LRRC41: variants seen among roughly 807,000 people sequenced by gnomAD.
LRRC41 encodes the protein leucine-rich repeat-containing protein 41.
Under a neutral mutation model 72.1 loss-of-function variants are expected in LRRC41, and 17 were observed. The ratio of observed to expected loss-of-function variants is 0.24; its 90% CI spans 0.16 to 0.35. LRRC41 has a LOEUF of 0.35. LRRC41 is among the 10% of genes least tolerant of loss of function. LRRC41 has a pLI of 1.00. For synonymous variants in LRRC41, 427 were observed against 431.0 expected (o/e 0.99, Z 0.11); for missense variants, 759 against 1,065.0 (o/e 0.71, Z 4.00).
At chr1:46,303,043 C>A in intron 1 of LRRC41, 81 bp downstream of exon 1, 1 of 1,343,670 alleles carries the variant, frequency 7.4e-7, no homozygotes, top group South Asian at 1.9e-5. Context: ...CCCGGGCCTC[C>A]CGGCCTCGCC....
intron 3 of LRRC41, among the ~76,000 whole-genome samples, chr1:46,295,824 T>C (rs10890388): frequency 0.72 from 109,514 of 152,128 alleles, 39,700 homozygotes; most frequent in Middle Eastern, 0.81. Flanking sequence ...CCTCATAAGG[T>C]CTGTTGTCCT....
chr1:46,294,704 C>T (rs1186832864), intron 3 of LRRC41, among the ~76,000 whole-genome samples: 2 of 148,006 alleles, frequency 1.4e-5, no homozygotes, highest in Non-Finnish European at 3.0e-5. Flanking sequence ...AAGCAATTCT[C>T]CTGCCTCAGC....
intron 3 of LRRC41, among the ~76,000 whole-genome samples, chr1:46,288,079 CAT>C (rs908552493): frequency 1.3e-5 from 2 of 152,214 alleles, no homozygotes; most frequent in African/African-American, 4.8e-5. Flanking sequence ...CCCCAAAATT[CAT>C]ATACCAGACA....
chr1:46,289,773 G>A (rs1000821225), intron 3 of LRRC41, among the ~76,000 whole-genome samples: 6 of 152,074 alleles, frequency 3.9e-5, no homozygotes, highest in African/African-American at 1.4e-4. Flanking sequence ...AAAAAAAAAG[G>A]AGTCTATGCT....
intron 3 of LRRC41, among the ~76,000 whole-genome samples, chr1:46,289,293 C>A (rs1660952345): frequency 6.6e-6 from 1 of 152,234 alleles, no homozygotes; most frequent in Non-Finnish European, 1.5e-5. Context: ...CAAGTCATTT[C>A]ACCTCTTTCT....
Position 46,285,266 on chromosome 1 carries a change from ACCC to A in LRRC41, c.1495+93_1495+95del, listed in dbSNP as rs1557714283. ...CCTTCCTCTCTAACCTCCTGATCATACCCCCAATTTGCCCCTCCCACCTCCCTA... is the reference window on the plus strand; with the variant it reads ...CCTTCCTCTCTAACCTCCTGATCATACCAATTTGCCCCTCCCACCTCCCTA... On this transcript the variant is annotated intron_variant, in intron 4 of 9. Coordinates refer to ENST00000617190, the MANE Select transcript of LRRC41 (RefSeq NM_006369.5). The surrounding 1 kb of genome is among the most constrained non-coding windows in gnomAD (Gnocchi z 5.3). The A allele has an allele frequency of 1.6e-6, 2 of 1,218,354 alleles. No homozygotes were observed. Among genetic ancestry groups the A allele is most frequent in the Non-Finnish European group, 1.2e-6 (1 of 846,324 alleles). The allele number at this position is 1,218,354 out of a possible 1,614,324, so 75.5% of individuals were successfully genotyped here. A position where few individuals can be genotyped will look rare whatever the true frequency, so the allele number is the denominator to read the frequency against.
rs1364078305 is a variant in LRRC41, at chr1:46,303,352, C to T, written c.-30G>A. Reference sequence around the variant, plus strand: ...GGGAGGTGCGCGAGCCCGAGAGTGTCGCCCGCGGACCGCCATCTTGAAAAG... The same window carrying T: ...GGGAGGTGCGCGAGCCCGAGAGTGTTGCCCGCGGACCGCCATCTTGAAAAG... On this transcript the variant is annotated 5_prime_UTR_variant, in exon 1 of 10. Transcript: ENST00000617190. The T allele has an allele frequency of 3.4e-6, 5 of 1,472,946 alleles. No individual in the cohort carries two copies. The East Asian group carries it at 7.8e-5, about 23-fold the overall frequency. 91.2% of individuals were successfully genotyped at this position (1,472,946 alleles called of 1,614,324 possible).
In LRRC41 at chr1:46,280,379, T is replaced by TACTCC; in HGVS notation, c.1921+16_1921+17insGGAGT. ...CCCACCTACTCCTCTCCCTTCACCATTCTGGCTGGGTCCTACCTTTGAGTG... is the reference window on the plus strand; with the variant it reads ...CCCACCTACTCCTCTCCCTTCACCATACTCCTCTGGCTGGGTCCTACCTTTGAGTG... On this transcript the variant is annotated intron_variant, in intron 6 of 9. Transcript: ENST00000617190. 2 of 1,614,170 alleles carry TACTCC rather than the reference T, an allele frequency of 1.2e-6. No individual in the cohort carries two copies. Among genetic ancestry groups the TACTCC allele is most frequent in the Non-Finnish European group, 1.7e-6 (2 of 1,180,018 alleles).
chr1:46,287,665 A>G (rs1481899445), intron 3 of LRRC41, among the ~76,000 whole-genome samples: 4 of 152,126 alleles, frequency 2.6e-5, no homozygotes, highest in East Asian at 3.9e-4. Context: ...GTCCTTTCCT[A>G]CATCTACCAG....
intron 3 of LRRC41, among the ~76,000 whole-genome samples, chr1:46,292,790 T>G (rs1411901772): frequency 6.6e-6 from 1 of 152,172 alleles, no homozygotes; most frequent in Non-Finnish European, 1.5e-5. Context: ...GTTGGCATTT[T>G]CATTTTTTTA....
intron 3 of LRRC41, among the ~76,000 whole-genome samples, chr1:46,290,462 T>C (rs1660984272): frequency 6.6e-6 from 1 of 152,184 alleles, no homozygotes; most frequent in East Asian, 1.9e-4. Flanking sequence ...CTATATATAT[T>C]TGTTTTTACA....
rs982063615 is a variant in LRRC41 at position 46,296,387 on chromosome 1, G to A, written c.357+1176C>T. Among the ~76,000 whole-genome samples the A allele has an allele frequency of 7.2e-5, 11 of 152,190 alleles. No individual in the cohort carries two copies. In the East Asian group the frequency reaches 1.9e-3, roughly 27 times the overall value. On this transcript the variant is annotated intron_variant, in intron 3 of 9. Coordinates refer to ENST00000617190, the MANE Select transcript of LRRC41 (RefSeq NM_006369.5). ...AGCCAAGATTGCGCCATTGCACTCCGGCGTGGACAACAAGGGCAAAACTCC... is the reference window on the plus strand; with the variant it reads ...AGCCAAGATTGCGCCATTGCACTCCAGCGTGGACAACAAGGGCAAAACTCC...
chr1:46,291,851 C>A (rs1460459018), intron 3 of LRRC41, among the ~76,000 whole-genome samples: 2 of 151,400 alleles, frequency 1.3e-5, no homozygotes, highest in Admixed American at 6.6e-5. Flanking sequence ...GGAGCCACCA[C>A]GCCCAGCCTA....
chr1:46,280,257 T>C lies in LRRC41; in HGVS notation c.1955A>G (p.His652Arg). The C allele has an allele frequency of 6.2e-7, 1 of 1,614,164 alleles. No homozygotes were observed. Among genetic ancestry groups the C allele is most frequent in the Non-Finnish European group, 8.5e-7 (1 of 1,180,002 alleles). Residue 652 changes from histidine (H) to arginine (R), a missense_variant, in exon 7 of 10, where the codon CAT becomes CGT. By Grantham distance (29) the His-to-Arg change is conservative. Transcript: ENST00000617190. The stretch of plus-strand genomic sequence containing the variant: ...CTGACAGTCAGCGAGATTCATGTCA[T>C]GGAAGCTCAGTCTTTTCAGGGCTAG... ...YNLALKRLSFHDMNLADCQSE... is the reference protein window; with the variant it reads ...YNLALKRLSFRDMNLADCQSE...
intron 2 of LRRC41, 107 bp downstream of exon 2, chr1:46,298,177 T>G (rs1375523798): frequency 2.5e-6 from 2 of 795,892 alleles, no homozygotes; most frequent in African/African-American, 3.5e-5. Flanking sequence ...AGGTACTTTT[T>G]GAAAAGCACG....
Position 46,278,611 on chromosome 1 carries a change from A to C in LRRC41, c.*254T>G, listed in dbSNP as rs1206122926. 1.5e-5 allele frequency: 9 copies of C among 605,710 alleles called. No homozygotes were observed. Among genetic ancestry groups the C allele is most frequent in the Non-Finnish European group, 2.6e-5 (9 of 344,514 alleles). 37.5% of individuals were successfully genotyped at this position (605,710 alleles called of 1,614,324 possible). On this transcript the variant is annotated 3_prime_UTR_variant, in exon 10 of 10. Coordinates refer to ENST00000617190, the MANE Select transcript of LRRC41 (RefSeq NM_006369.5). ...GATCTCTTCAGCAATTATGATGACC[A>C]CTGTAACCTCCTGGCCCAGGGTTCC... is the stretch of plus-strand genomic sequence containing the variant.
At chr1:46,284,545 T>G (rs1200633638) in intron 4 of LRRC41, 1 of 152,174 alleles carries the variant, frequency 6.6e-6, no homozygotes, top group East Asian at 1.9e-4. Context: ...GTTGTGAAGC[T>G]CTATGCATCT....
Position 46,286,636 on chromosome 1 carries a change from GTATTAT to G in LRRC41, c.358-143_358-138del, listed in dbSNP as rs990935125. ...TTTAATCTTCACATCTCTGAGGTAT[GTATTAT>G]TATTAGCCCTATTTTACAGGTAAAA... is the stretch of plus-strand genomic sequence containing the variant. On this transcript the variant is annotated intron_variant, in intron 3 of 9. Coordinates refer to ENST00000617190, the MANE Select transcript of LRRC41 (RefSeq NM_006369.5). This position sits in a 1 kb window ranked among gnomAD's most constrained non-coding sequence, Gnocchi z 5.5. 2 of 840,144 alleles carry G rather than the reference GTATTAT, an allele frequency of 2.4e-6. No individual in the cohort carries two copies. The highest frequency in any genetic ancestry group is 2.9e-5 in the Admixed American group (1 of 34,334). The allele number at this position is 840,144 out of a possible 1,614,324, so 52.0% of individuals were successfully genotyped here. A position where few individuals can be genotyped will look rare whatever the true frequency, so the allele number is the denominator to read the frequency against.
intron 7 of LRRC41, 149 bp downstream of exon 7, chr1:46,280,043 G>A: frequency 1.5e-6 from 1 of 651,400 alleles, no homozygotes; most frequent in South Asian, 1.9e-5. Context: ...TGAGGTTGGG[G>A]CTTTTAGAAG....
Sources: gnomAD v4.1 joint callset for allele counts (sites outside exome capture counted in the v4.1 genomes callset) on GRCh38, gnomAD v4.1.1 for gene constraint, Gnocchi (gnomAD v3.1) non-coding constraint, MANE v1.5 for transcripts, NCBI Gene and HGNC (gene_info 2026-07-23, HGNC 2026-07-21) for gene names.